Variants in MIR2052HG observed in about 807,000 individuals in gnomAD.
MIR2052HG encodes the protein MIR2052 host gene.
At chr8:74,617,948 A>T (rs1377560527) in intron 2 of MIR2052HG, among the ~76,000 whole-genome samples, 1 of 152,130 alleles carries the variant, frequency 6.6e-6, no homozygotes, top group Non-Finnish European at 1.5e-5. Flanking sequence ...TATTTCTCTG[A>T]TGATTAGTGA....
intron 2 of MIR2052HG, among the ~76,000 whole-genome samples, chr8:74,690,489 C>CA (rs1379702167): frequency 1.3e-5 from 2 of 151,508 alleles, no homozygotes; most frequent in African/African-American, 4.9e-5. Context: ...ACTAAAAATA[C>CA]AAAAAATTAG....
chr8:74,675,721 A>G (rs1809044122), intron 2 of MIR2052HG, among the ~76,000 whole-genome samples: 1 of 152,028 alleles, frequency 6.6e-6, no homozygotes, highest in Non-Finnish European at 1.5e-5. Flanking sequence ...AAAATACCAT[A>G]GAAAACACAA....
chr8:74,701,968 A>G (rs889547340), intron 2 of MIR2052HG, among the ~76,000 whole-genome samples: 3 of 152,104 alleles, frequency 2.0e-5, no homozygotes, highest in African/African-American at 4.8e-5. Flanking sequence ...TGAAAGGTAA[A>G]TCTTTGAGGC....
intron 2 of MIR2052HG, among the ~76,000 whole-genome samples, chr8:74,651,493 C>A (rs183251517): frequency 2.0e-3 from 304 of 152,044 alleles, no homozygotes; most frequent in Middle Eastern, 0.017. Context: ...TATTTTCTTG[C>A]TTTTTATTAA....
chr8:74,650,717 T>G (rs1034126426), intron 2 of MIR2052HG, among the ~76,000 whole-genome samples: 1 of 152,128 alleles, frequency 6.6e-6, no homozygotes, highest in Admixed American at 6.6e-5. Flanking sequence ...GTTGGTGAAT[T>G]TTGGTCATTC....
chr8:74,749,890 A>G (rs1201232505), intron 4 of MIR2052HG, among the ~76,000 whole-genome samples: 2 of 151,354 alleles, frequency 1.3e-5, no homozygotes, highest in Non-Finnish European at 2.9e-5. Flanking sequence ...CATTTGGAGT[A>G]GCACTTTGAC....
rs191314574 is a variant in MIR2052HG at position 74,670,087 on chromosome 8, A to G, written n.217-32292A>G. The stretch of plus-strand genomic sequence containing the variant: ...AGGCTGCTGTCTGCAAGCCAGAAAG[A>G]GAGCCCTCACCAGACACTGACACTG... On this transcript the variant is annotated intron_variant and non_coding_transcript_variant, in intron 2 of 6. Coordinates refer to ENST00000523442, the Ensembl canonical transcript of MIR2052HG. 7.2e-5 allele frequency among the ~76,000 whole-genome samples: 11 copies of G among 152,354 alleles called. No homozygotes were observed. The East Asian group carries it at 1.7e-3, about 24-fold the overall frequency.
At chr8:74,630,696 C>T (rs964943560) in intron 2 of MIR2052HG, among the ~76,000 whole-genome samples, 2 of 152,160 alleles carry the variant, frequency 1.3e-5, no homozygotes, top group South Asian at 2.1e-4. Context: ...CAGTGAGCTA[C>T]GGATGGCATA....
intron 2 of MIR2052HG, among the ~76,000 whole-genome samples, chr8:74,662,858 T>TTG (rs68089808): frequency 0.085 from 12,279 of 144,194 alleles, 534 homozygotes; most frequent in East Asian, 0.14. Flanking sequence ...AATGACTCAT[T>TTG]TGTGTGTGTG....
intron 2 of MIR2052HG, among the ~76,000 whole-genome samples, chr8:74,654,290 G>A (rs569232224): frequency 1.1e-4 from 17 of 152,266 alleles, no homozygotes; most frequent in Middle Eastern, 3.4e-3. Context: ...AGGAGACTAT[G>A]ACTGACTGGC....
intron 5 of MIR2052HG, among the ~76,000 whole-genome samples, chr8:74,754,581 A>G: frequency 6.6e-6 from 1 of 152,210 alleles, no homozygotes; most frequent in East Asian, 1.9e-4. Context: ...TGGAGAAGAA[A>G]TGAATTGTGG....
At chr8:74,724,644 G>T (rs1809615380) in intron 4 of MIR2052HG, among the ~76,000 whole-genome samples, 1 of 152,164 alleles carries the variant, frequency 6.6e-6, no homozygotes, top group Non-Finnish European at 1.5e-5. Context: ...TTTGTAAAAA[G>T]ATGTGAATTT....
chr8:74,751,860 G>C (rs907593501), intron 4 of MIR2052HG, among the ~76,000 whole-genome samples: 3 of 152,180 alleles, frequency 2.0e-5, no homozygotes, highest in African/African-American at 7.2e-5. Context: ...GATGACTGTA[G>C]GGATATCAAG....
chr8:74,750,701 C>T (rs1809935545), intron 4 of MIR2052HG, among the ~76,000 whole-genome samples: 1 of 152,158 alleles, frequency 6.6e-6, no homozygotes, highest in Admixed American at 6.6e-5. Flanking sequence ...CATCATAACT[C>T]TTGCCTTATA....
At chr8:74,688,545 G>A (rs1418768154) in intron 2 of MIR2052HG, among the ~76,000 whole-genome samples, 1 of 152,204 alleles carries the variant, frequency 6.6e-6, no homozygotes, top group Non-Finnish European at 1.5e-5. Context: ...ATGGTCATTG[G>A]TTTTTCTTCT....
Position 74,709,068 on chromosome 8 carries a change from G to T in MIR2052HG, n.371+5386G>T, listed in dbSNP as rs1345343142. Among the ~76,000 whole-genome samples the T allele has an allele frequency of 2.0e-5, 3 of 152,074 alleles. No homozygotes were observed. In the East Asian group the frequency reaches 5.8e-4, roughly 29 times the overall value. ...GATTCTGAATATAACATGTTCCTCT[G>T]CCTTGTATCAGAAATAATCATCAAT... On this transcript the variant is annotated intron_variant and non_coding_transcript_variant, in intron 4 of 6. Transcript: ENST00000523442.
chr8:74,713,178 T>C (rs1437447845), intron 4 of MIR2052HG, among the ~76,000 whole-genome samples: 2 of 152,194 alleles, frequency 1.3e-5, no homozygotes, highest in African/African-American at 4.8e-5. Context: ...TGTTAATAAG[T>C]AACAAAGAAA....
intron 4 of MIR2052HG, among the ~76,000 whole-genome samples, chr8:74,742,398 A>G (rs950204589): frequency 2.0e-5 from 3 of 152,218 alleles, no homozygotes; most frequent in Non-Finnish European, 4.4e-5. Flanking sequence ...ACATGTTATA[A>G]TCTGGCTAAA....
At chr8:74,693,026 A>G (rs1224767427) in intron 2 of MIR2052HG, among the ~76,000 whole-genome samples, 1 of 152,236 alleles carries the variant, frequency 6.6e-6, no homozygotes, top group Non-Finnish European at 1.5e-5. Context: ...GCTGAGAGGG[A>G]GCACATTTAA....
Sources: allele counts gnomAD v4.1 joint callset (sites outside exome capture counted in the v4.1 genomes callset), GRCh38; gene constraint gnomAD v4.1.1; transcripts MANE v1.5; gene names NCBI Gene and HGNC (gene_info 2026-07-23, HGNC 2026-07-21).